The following AMMECR1 variants were observed in gnomAD, a reference collection of about 807,000 sequenced individuals.
The protein encoded by AMMECR1 is nuclear protein AMMECR1.
Under a neutral mutation model 22.5 loss-of-function variants are expected in AMMECR1, and 3 were observed. The ratio of observed to expected loss-of-function variants is 0.13; its 90% confidence interval spans 0.06 to 0.35. AMMECR1 has a LOEUF of 0.35. Among genes scored for constraint, AMMECR1 ranks in the 10% least tolerant of loss-of-function variants. The pLI is 1.00. For missense variants in AMMECR1, 235 were observed against 278.7 expected, an observed-to-expected ratio of 0.84 and a Z score of 1.12; for synonymous variants, 130 against 116.7, an observed-to-expected ratio of 1.11 and a Z score of -0.74.
At chrX:110,300,769 G>A (rs908928435) in intron 1 of AMMECR1, among the ~76,000 whole-genome samples, 5 of 112,096 alleles carry the variant, frequency 4.5e-5, no homozygotes, top group Non-Finnish European at 9.4e-5. Flanking sequence ...TCGAAGAAGA[G>A]ACATCATGTT....
chrX:110,318,081 G>GTC lies in AMMECR1; in HGVS notation c.-12_-11dup, dbSNP rs928958643. 6.8e-6 allele frequency: 8 copies of GTC among 1,181,751 alleles called. No individual in the cohort carries two copies. Among genetic ancestry groups the GTC allele is most frequent in the Non-Finnish European group, 6.8e-6 (6 of 881,072 alleles). On this transcript the variant is annotated 5_prime_UTR_variant, in exon 1 of 6. Transcript: ENST00000262844. ...AGCAACCCGCCGCCATCTTGGAACAGTCTCCCCCACGCAGCGTTTCCGACC... is the reference window on the plus strand; with the variant it reads ...AGCAACCCGCCGCCATCTTGGAACAGTCTCTCCCCCACGCAGCGTTTCCGACC...
chrX:110,281,911 G>A (rs757989049), intron 1 of AMMECR1, among the ~76,000 whole-genome samples: 24 of 112,139 alleles, frequency 2.1e-4, no homozygotes, highest in African/African-American at 6.2e-4. Context: ...CTTTTTGCAC[G>A]GTCCTATTCC....
intron 1 of AMMECR1, among the ~76,000 whole-genome samples, chrX:110,316,904 G>GAA (rs372150467): frequency 1.2e-4 from 10 of 83,661 alleles, no homozygotes; most frequent in Admixed American, 1.4e-4. Context: ...CGGTGGAATG[G>GAA]AAAAAAAAAA....
At chrX:110,242,583 A>T (rs1287944636) in intron 2 of AMMECR1, among the ~76,000 whole-genome samples, 1 of 112,035 alleles carries the variant, frequency 8.9e-6, no homozygotes, top group East Asian at 2.8e-4. Context: ...AAGAGGGCCC[A>T]CAAGTCCAAA....
intron 3 of AMMECR1, among the ~76,000 whole-genome samples, chrX:110,203,633 A>AT (rs1351815430): frequency 9.0e-6 from 1 of 111,387 alleles, no homozygotes; most frequent in East Asian, 2.8e-4. Context: ...GGTAAACATT[A>AT]TTACCCAAGA....
intron 2 of AMMECR1, among the ~76,000 whole-genome samples, chrX:110,354,721 A>G (rs1270493452): frequency 8.9e-6 from 1 of 112,487 alleles, no homozygotes; most frequent in African/African-American, 3.2e-5. Context: ...TTGACTTTCA[A>G]CAAAGGTGCC....
chrX:110,317,585 G>A lies in AMMECR1; in HGVS notation c.473+14C>T, dbSNP rs1334624462. 1 of 1,155,602 alleles carries A rather than the reference G, an allele frequency of 8.7e-7. No individual in the cohort carries two copies. The highest frequency in any genetic ancestry group is 1.2e-6 in the Non-Finnish European group (1 of 865,418). On this transcript the variant is annotated intron_variant, in intron 1 of 5. Transcript: ENST00000262844. Reference sequence around the variant, plus strand: ...GAGCGCAAGGGAGAGGGCGGCGGAGGGCACGGTACTCACTAGGGCTCGTTG... The same window carrying A: ...GAGCGCAAGGGAGAGGGCGGCGGAGAGCACGGTACTCACTAGGGCTCGTTG...
intron 2 of AMMECR1, among the ~76,000 whole-genome samples, chrX:110,217,502 T>TACACACAC (rs759487797): frequency 9.4e-4 from 83 of 88,579 alleles, no homozygotes; most frequent in African/African-American, 1.5e-3. Flanking sequence ...GAATAGAAAA[T>TACACACAC]ACACACACAC....
chrX:110,302,852 C>T (rs1032475183), intron 1 of AMMECR1, among the ~76,000 whole-genome samples: 1 of 109,171 alleles, frequency 9.2e-6, no homozygotes, highest in Non-Finnish European at 1.9e-5. Context: ...CCAGTCTAGG[C>T]GACAGAGCAA....
chrX:110,342,063 T>A (rs565113970), intron 2 of AMMECR1, among the ~76,000 whole-genome samples: 1 of 110,730 alleles, frequency 9.0e-6, no homozygotes, highest in South Asian at 3.9e-4. Context: ...TGTCTCATTT[T>A]TAAAAAACAG....
intron 1 of AMMECR1, among the ~76,000 whole-genome samples, chrX:110,272,820 T>C (rs1222165241): frequency 8.9e-6 from 1 of 112,248 alleles, no homozygotes; most frequent in Non-Finnish European, 1.9e-5. Flanking sequence ...CTATCCATGT[T>C]GTTGCAAAGG....
At chrX:110,224,225 C>T (rs1273844361) in intron 2 of AMMECR1, among the ~76,000 whole-genome samples, 1 of 110,465 alleles carries the variant, frequency 9.1e-6, no homozygotes. Flanking sequence ...GTGGCCATCT[C>T]GGGGGATAAT....
Position 110,323,256 on chromosome X carries a change from C to A in AMMECR1, c.-147-5407G>T, listed in dbSNP as rs139588338. ...TTCTTCTTTTTATTGAGATATAATT[C>A]ACAAAGGATACCATCCACCCATTTA... On this transcript the variant is annotated intron_variant, in intron 2 of 7. Coordinates refer to the AMMECR1 transcript ENST00000372057. 8.3e-3 allele frequency among the ~76,000 whole-genome samples: 930 copies of A among 112,015 alleles called. 6 individuals carry two copies. The highest frequency in any genetic ancestry group is 0.012 in the Non-Finnish European group (621 of 53,192).
chrX:110,299,422 G>C (rs1173728964), intron 1 of AMMECR1, among the ~76,000 whole-genome samples: 1 of 111,845 alleles, frequency 8.9e-6, no homozygotes, highest in East Asian at 2.8e-4. Context: ...CTTGGCTCAG[G>C]CTTCTTCAAA....
intron 2 of AMMECR1, among the ~76,000 whole-genome samples, chrX:110,385,682 A>G (rs1263440563): frequency 1.8e-5 from 2 of 111,803 alleles, no homozygotes; most frequent in African/African-American, 3.3e-5. Context: ...TGCAACTTCC[A>G]TTTTAGATTC....
intron 2 of AMMECR1, among the ~76,000 whole-genome samples, chrX:110,235,730 A>C (rs1569382826): frequency 1.8e-5 from 2 of 111,773 alleles, no homozygotes; most frequent in Non-Finnish European, 3.8e-5. Context: ...ACCAAACACC[A>C]CATGTTTTTA....
intron 2 of AMMECR1, among the ~76,000 whole-genome samples, chrX:110,238,379 T>C (rs1055107915): frequency 8.9e-6 from 1 of 111,824 alleles, no homozygotes; most frequent in African/African-American, 3.3e-5. Context: ...ATCAGAAATA[T>C]AGCTCAAGCC....
At chrX:110,422,506 G>A (rs1244140186) in intron 2 of AMMECR1, among the ~76,000 whole-genome samples, 1 of 112,830 alleles carries the variant, frequency 8.9e-6, no homozygotes, top group Non-Finnish European at 1.9e-5. Flanking sequence ...CCCACATTCT[G>A]GTTAAAACCA....
At chrX:110,430,370 T>C (rs933840278) in intron 1 of AMMECR1, among the ~76,000 whole-genome samples, 1 of 112,590 alleles carries the variant, frequency 8.9e-6, no homozygotes, top group African/African-American at 3.2e-5. Flanking sequence ...TTTGTGTGTA[T>C]TAACTCATTT....
Sources: allele counts gnomAD v4.1 joint callset (sites outside exome capture counted in the v4.1 genomes callset), GRCh38; gene constraint gnomAD v4.1.1; transcripts MANE v1.5; gene names NCBI Gene and HGNC (gene_info 2026-07-23, HGNC 2026-07-21).